The following STOX2 variants were observed in gnomAD, a reference collection of about 807,000 sequenced individuals.
The protein encoded by STOX2 is storkhead box 2.
A neutral mutation model predicts 60.9 loss-of-function variants in STOX2; 28 were observed. The ratio of observed to expected loss-of-function variants is 0.46; its 90% CI spans 0.34 to 0.63. STOX2 has a LOEUF of 0.63. STOX2 is among the 30% of genes least tolerant of loss of function. The pLI, the probability that STOX2 is intolerant of heterozygous loss-of-function variation, is 0.01. For missense variants in STOX2, 1,024 were observed against 1,187.7 expected, an observed-to-expected ratio of 0.86 and a Z score of 2.03; for synonymous variants, 472 against 463.9, an observed-to-expected ratio of 1.02 and a Z score of -0.22.
At chr4:183,912,791 T>C (rs866426008) in intron 1 of STOX2, among the ~76,000 whole-genome samples, 5 of 152,124 alleles carry the variant, frequency 3.3e-5, no homozygotes, top group African/African-American at 1.2e-4. Context: ...ACACAGTAAA[T>C]GTGTATGGGA....
chr4:183,809,513 C>T (rs1738988846), intron 1 of STOX2, among the ~76,000 whole-genome samples: 1 of 152,194 alleles, frequency 6.6e-6, no homozygotes, highest in Non-Finnish European at 1.5e-5. Context: ...ATTCTTCTGC[C>T]TCAGCCTCCT....
Position 184,017,281 on chromosome 4 carries a change from G to A in STOX2, c.2778G>A (p.Val926=), listed in dbSNP as rs1339095429. 2 of 1,588,202 alleles carry A rather than the reference G, an allele frequency of 1.3e-6. No individual in the cohort carries two copies. Among genetic ancestry groups the A allele is most frequent in the African/African-American group, 1.3e-5 (1 of 74,216 alleles). The change falls in exon 4 of 4, where the codon GTG becomes GTA. Residue 926 remains valine, a synonymous_variant. Transcript: ENST00000308497. ...SNCLQASVTS[V] is the part of the protein sequence containing the mutation. ...GCTTGCAAGCTTCTGTTACTAGCGT[G>A]TGATTGTCCTTCTGCCTCAGATCTT...
intron 1 of STOX2, among the ~76,000 whole-genome samples, chr4:183,966,950 A>G (rs1743590281): frequency 6.6e-6 from 1 of 152,206 alleles, no homozygotes; most frequent in African/African-American, 2.4e-5. Flanking sequence ...TGGAGATAAT[A>G]GTATTTGTTT....
intron 1 of STOX2, among the ~76,000 whole-genome samples, chr4:183,828,321 C>T (rs1739482799): frequency 6.6e-6 from 1 of 152,066 alleles, no homozygotes; most frequent in African/African-American, 2.4e-5. Context: ...GCGGTAGAGT[C>T]TTGACAGGGC....
At position 184,017,324 on chromosome 4, in the gene STOX2, G is replaced by C. The variant is rs1424474592; in HGVS notation, c.*40G>C. The C allele has an allele frequency of 1.3e-6, 2 of 1,517,826 alleles. No individual in the cohort carries two copies. Among genetic ancestry groups the C allele is most frequent in the South Asian group, 2.5e-5 (2 of 78,868 alleles). The allele number at this position is 1,517,826 out of a possible 1,614,324, so 94.0% of individuals were successfully genotyped here. On this transcript the variant is annotated 3_prime_UTR_variant, in exon 4 of 4. Transcript: ENST00000308497. ...CAGATCTTCTGTCTCATTCGATACA[G>C]CAAAGTTTACGACACTGGGACTGAT...
At chr4:183,964,578 G>A (rs56716996) in intron 1 of STOX2, among the ~76,000 whole-genome samples, 4,996 of 152,148 alleles carry the variant, frequency 0.033, 278 homozygotes, top group African/African-American at 0.11. Flanking sequence ...TAAAAAATTG[G>A]TGAGTCGTTT....
At chr4:183,924,925 G>A (rs1221191230) in intron 1 of STOX2, among the ~76,000 whole-genome samples, 1 of 152,206 alleles carries the variant, frequency 6.6e-6, no homozygotes, top group African/African-American at 2.4e-5. Context: ...AGGGAGGCCT[G>A]CTGAGGCCGG....
intron 1 of STOX2, among the ~76,000 whole-genome samples, chr4:183,824,396 G>C (rs73010526): frequency 0.064 from 9,719 of 152,002 alleles, 995 homozygotes; most frequent in African/African-American, 0.22. Context: ...GGGTAATTTC[G>C]TTAGGTAAAT....
intron 1 of STOX2, among the ~76,000 whole-genome samples, chr4:183,813,908 T>C (rs1306659669): frequency 6.6e-6 from 1 of 152,224 alleles, no homozygotes; most frequent in African/African-American, 2.4e-5. Context: ...GAAAGTATCT[T>C]GGCAGTCTGT....
chr4:183,871,007 T>A (rs1326027252), intron 1 of STOX2, among the ~76,000 whole-genome samples: 6 of 152,244 alleles, frequency 3.9e-5, no homozygotes, highest in Non-Finnish European at 7.3e-5. Context: ...TGTGGCTTAC[T>A]GGATGGCTGC....
intron 1 of STOX2, among the ~76,000 whole-genome samples, chr4:183,830,854 G>C (rs1310230728): frequency 6.6e-6 from 1 of 151,856 alleles, no homozygotes; most frequent in Non-Finnish European, 1.5e-5. Flanking sequence ...GAAGAATGCT[G>C]TGCAAAACGT....
At chr4:183,991,480 T>A (rs573142739) in intron 1 of STOX2, among the ~76,000 whole-genome samples, 2 of 150,920 alleles carry the variant, frequency 1.3e-5, no homozygotes, top group Admixed American at 1.3e-4. Context: ...CAGGCTGGAG[T>A]GCAATGGCAC....
At position 184,009,026 on chromosome 4, in the gene STOX2, C is replaced by A; in HGVS notation, c.320-132C>A. The A allele has an allele frequency of 7.1e-6, 5 of 701,372 alleles. No individual in the cohort carries two copies. The highest frequency in any genetic ancestry group is 1.2e-5 in the Non-Finnish European group (5 of 427,288). 43.4% of individuals were successfully genotyped at this position (701,372 alleles called of 1,614,324 possible). A position where few individuals can be genotyped will look rare whatever the true frequency, so the allele number is the denominator to read the frequency against. On this transcript the variant is annotated intron_variant, in intron 2 of 3. Transcript: ENST00000308497. The surrounding 1 kb of genome is among the most constrained non-coding windows in gnomAD (Gnocchi z 4.0). ...GATTTGCACTGAACTTAATGAACAC[C>A]TTTGTCTGAATTGTGCATCCTAGCT...
At chr4:183,876,667 G>A (rs529353983) in intron 1 of STOX2, among the ~76,000 whole-genome samples, 21 of 152,310 alleles carry the variant, frequency 1.4e-4, no homozygotes, top group African/African-American at 5.1e-4. Context: ...TCATTGTCCC[G>A]TAGGGGACCC....
chr4:183,823,844 T>C (rs560699087), intron 1 of STOX2, among the ~76,000 whole-genome samples: 2 of 152,342 alleles, frequency 1.3e-5, no homozygotes, highest in African/African-American at 4.8e-5. Flanking sequence ...GTAAATCCTC[T>C]AGGGCGGGGA....
intron 1 of STOX2, among the ~76,000 whole-genome samples, chr4:183,970,257 TTCAG>T (rs946304102): frequency 4.6e-5 from 7 of 151,648 alleles, no homozygotes; most frequent in African/African-American, 1.7e-4. Context: ...TTCTCGTGGC[TTCAG>T]TCAAACAGTG....
intron 1 of STOX2, among the ~76,000 whole-genome samples, chr4:183,915,737 C>T (rs984795773): frequency 5.3e-5 from 8 of 152,152 alleles, no homozygotes; most frequent in South Asian, 2.1e-4. Context: ...TGTTTACAAA[C>T]GAGGGAAGGC....
intron 1 of STOX2, among the ~76,000 whole-genome samples, chr4:183,868,165 T>C (rs1240313707): frequency 6.6e-6 from 1 of 152,116 alleles, no homozygotes; most frequent in African/African-American, 2.4e-5. Flanking sequence ...AACATTTAGA[T>C]GGCAGTTCAG....
intron 1 of STOX2, among the ~76,000 whole-genome samples, chr4:183,999,867 C>T (rs1733509867): frequency 6.6e-6 from 1 of 152,154 alleles, no homozygotes; most frequent in South Asian, 2.1e-4. Flanking sequence ...TCAGAGCAGC[C>T]AGACACCTTG....
Sources: gnomAD v4.1 joint callset for allele counts (sites outside exome capture counted in the v4.1 genomes callset) on GRCh38, gnomAD v4.1.1 for gene constraint, Gnocchi (gnomAD v3.1) non-coding constraint, MANE v1.5 for transcripts, NCBI Gene and HGNC (gene_info 2026-07-23, HGNC 2026-07-21) for gene names.